The following FGD6 variants were observed in gnomAD, a reference collection of about 807,000 sequenced individuals.
FGD6 encodes the protein FYVE, RhoGEF and PH domain-containing protein 6.
FGD6 carries 90 observed loss-of-function variants against 149.4 expected under a neutral mutation model. The ratio of observed to expected loss-of-function variants is 0.60; its 90% confidence interval spans 0.51 to 0.72. The LOEUF (loss-of-function observed/expected upper bound fraction) is 0.72, where lower values mean the gene tolerates loss of function less well. Among genes scored for constraint, FGD6 ranks in the 30% least tolerant of loss-of-function variants. The pLI is 0.00. For missense variants in FGD6, 1,437 were observed against 1,684.8 expected (o/e 0.85, Z 2.57); for synonymous variants, 527 against 584.0 (o/e 0.90, Z 1.41).
chr12:95,205,958 G>A lies in FGD6; in HGVS notation c.2441+2885C>T, dbSNP rs374717223. Among the ~76,000 whole-genome samples, 56 of 152,212 alleles carry A rather than the reference G, an allele frequency of 3.7e-4. No individual in the cohort carries two copies. The South Asian group carries it at 0.011, about 30-fold the overall frequency. On this transcript the variant is annotated intron_variant, in intron 2 of 20. Transcript: ENST00000343958. ...GACAGCCTATAACCTGTCCAAAGCC[G>A]CCCTGGTTTCCTGTGGCCTCCAGAA... is the stretch of plus-strand genomic sequence containing the variant.
At chr12:95,149,374 CAT>C (rs1880219323) in intron 5 of FGD6, among the ~76,000 whole-genome samples, 2 of 80,854 alleles carry the variant, frequency 2.5e-5, no homozygotes, top group Admixed American at 1.7e-4. Flanking sequence ...ATATATAGCA[CAT>C]ATTTTATATA....
In FGD6 at chr12:95,183,067, C is replaced by T. The variant is rs73372385; in HGVS notation, c.2442-10323G>A. Among the ~76,000 whole-genome samples, 479 of 152,342 alleles carry T rather than the reference C, an allele frequency of 3.1e-3. 2 individuals are homozygous for T. The highest frequency in any genetic ancestry group is 0.011 in the African/African-American group (442 of 41,576). On this transcript the variant is annotated intron_variant, in intron 2 of 20. Transcript: ENST00000343958. The stretch of plus-strand genomic sequence containing the variant: ...ATTGTGAGTCAGCACAAAACCATTG[C>T]GGTGCAAGGCTGAAAATTAAGGCCC...
At chr12:95,107,500 G>T in intron 12 of FGD6, 63 bp downstream of exon 12, 1 of 1,531,348 alleles carries the variant, frequency 6.5e-7, no homozygotes, top group Non-Finnish European at 9.0e-7. Flanking sequence ...ATGTATAAAC[G>T]TCTCCTTTCC....
At chr12:95,096,820 T>G (rs901982739) in intron 14 of FGD6, among the ~76,000 whole-genome samples, 23 of 152,258 alleles carry the variant, frequency 1.5e-4, no homozygotes, top group African/African-American at 5.5e-4. Context: ...AGGTCATTGC[T>G]AGCCTCTGCT....
intron 5 of FGD6, among the ~76,000 whole-genome samples, chr12:95,141,797 TA>T (rs1879855581): frequency 6.6e-6 from 1 of 152,224 alleles, no homozygotes; most frequent in African/African-American, 2.4e-5. Context: ...GTTTGATCTC[TA>T]AACTTAGCAA....
intron 1 of FGD6, among the ~76,000 whole-genome samples, chr12:95,216,755 T>C (rs1240852125): frequency 6.8e-6 from 1 of 147,584 alleles, no homozygotes; most frequent in Admixed American, 6.8e-5. Flanking sequence ...GACATGACAA[T>C]GTCTACGCCT....
intron 20 of FGD6, among the ~76,000 whole-genome samples, chr12:95,083,030 T>TATATACACACACACACACAC (rs772685891): frequency 1.9e-4 from 11 of 56,586 alleles, no homozygotes; most frequent in African/African-American, 2.4e-4. Flanking sequence ...TATATATATA[T>TATATACACACACACACACAC]ACACACACAT....
At chr12:95,090,741 T>G (rs1878026672) in intron 17 of FGD6, among the ~76,000 whole-genome samples, 1 of 152,180 alleles carries the variant, frequency 6.6e-6, no homozygotes, top group Non-Finnish European at 1.5e-5. Flanking sequence ...TGTCATCCAC[T>G]TAGAAATTCC....
intron 2 of FGD6, among the ~76,000 whole-genome samples, chr12:95,192,376 T>G (rs1881616438): frequency 1.3e-5 from 2 of 152,222 alleles, no homozygotes; most frequent in African/African-American, 4.8e-5. Flanking sequence ...TGATATGTAG[T>G]TAAAATCAAT....
intron 2 of FGD6, among the ~76,000 whole-genome samples, chr12:95,193,179 C>T (rs1881639117): frequency 6.6e-6 from 1 of 152,130 alleles, no homozygotes; most frequent in African/African-American, 2.4e-5. Context: ...AAAATATATT[C>T]ACACAAAAAC....
intron 3 of FGD6, among the ~76,000 whole-genome samples, chr12:95,169,582 C>G (rs1880928559): frequency 6.6e-6 from 1 of 152,104 alleles, no homozygotes; most frequent in Admixed American, 6.6e-5. Flanking sequence ...GTGTTGGAAA[C>G]AGACATAACA....
At chr12:95,171,948 C>T (rs1881001123) in intron 3 of FGD6, among the ~76,000 whole-genome samples, 1 of 141,164 alleles carries the variant, frequency 7.1e-6, no homozygotes, top group East Asian at 2.2e-4. Flanking sequence ...TATTCTTTCC[C>T]AAAATAATTT....
chr12:95,214,861 CTTTTTTT>C lies in FGD6; in HGVS notation c.16+2357_16+2363del, dbSNP rs1171146305. 1.8e-4 allele frequency among the ~76,000 whole-genome samples: 23 copies of C among 129,226 alleles called. No homozygotes were observed. In the East Asian group the frequency reaches 3.5e-3, roughly 20 times the overall value. The allele number at this position is 129,226 out of a possible 152,430, so 84.8% of individuals were successfully genotyped here. A position where few individuals can be genotyped will look rare whatever the true frequency, so the allele number is the denominator to read the frequency against. On this transcript the variant is annotated intron_variant, in intron 1 of 20. Coordinates refer to ENST00000343958, the MANE Select transcript of FGD6 (RefSeq NM_018351.4). ...TACCTATAATTCTCTCTCCTTTTTTCTTTTTTTTTTTTTTTTTTTGAGATGGAGTCTT... is the reference window on the plus strand; with the variant it reads ...TACCTATAATTCTCTCTCCTTTTTTCTTTTTTTTTTTTGAGATGGAGTCTT...
chr12:95,113,968 TCA>T (rs1316189604), intron 8 of FGD6, among the ~76,000 whole-genome samples: 1 of 152,166 alleles, frequency 6.6e-6, no homozygotes, highest in African/African-American at 2.4e-5. Context: ...CTCACCCAAC[TCA>T]CACAACCTCT....
intron 3 of FGD6, among the ~76,000 whole-genome samples, chr12:95,161,698 T>G (rs552311239): frequency 2.6e-5 from 4 of 152,280 alleles, no homozygotes; most frequent in Non-Finnish European, 5.9e-5. Context: ...TTTCTTCTCC[T>G]TGTTATTCTG....
intron 3 of FGD6, among the ~76,000 whole-genome samples, chr12:95,162,037 G>A (rs1592858349): frequency 1.3e-5 from 2 of 148,482 alleles, no homozygotes; most frequent in East Asian, 2.0e-4. Flanking sequence ...TGGGAGGCAG[G>A]AGGATCACTT....
intron 2 of FGD6, chr12:95,189,736 G>A (rs1441846462): frequency 1.3e-5 from 2 of 151,486 alleles, no homozygotes; most frequent in Non-Finnish European, 2.9e-5. Flanking sequence ...TAACCACTGG[G>A]TATAAAAACA....
intron 15 of FGD6, among the ~76,000 whole-genome samples, chr12:95,093,468 T>C (rs1167473578): frequency 2.6e-5 from 4 of 151,594 alleles, no homozygotes. Context: ...TCACCTAAGA[T>C]TGGGAGTTCA....
At chr12:95,124,272 C>CT (rs1274588373) in intron 8 of FGD6, among the ~76,000 whole-genome samples, 4 of 152,138 alleles carry the variant, frequency 2.6e-5, no homozygotes, top group Non-Finnish European at 4.4e-5. Context: ...AAGCAGGAAT[C>CT]TTAAGTGTAC....
Sources: gnomAD v4.1 joint callset for allele counts (sites outside exome capture counted in the v4.1 genomes callset) on GRCh38, gnomAD v4.1.1 for gene constraint, MANE v1.5 for transcripts, NCBI Gene and HGNC (gene_info 2026-07-23, HGNC 2026-07-21) for gene names.